The following UBAP2L variants were observed in gnomAD, a reference collection of about 807,000 sequenced individuals.
UBAP2L encodes the protein ubiquitin-associated protein 2-like.
Under a neutral mutation model 130.6 loss-of-function variants are expected in UBAP2L, and 12 were observed. That is an observed-to-expected ratio of 0.09 (90% CI 0.06 to 0.15). The LOEUF (loss-of-function observed/expected upper bound fraction) is 0.15. Among genes scored for constraint, UBAP2L ranks in the 10% least tolerant of loss-of-function variants. UBAP2L has a pLI of 1.00. For synonymous variants in UBAP2L, 503 were observed against 524.7 expected (o/e 0.96, Z 0.57); for missense variants, 965 against 1,332.5 (o/e 0.72, Z 4.29).
At chr1:154,220,301 T>TCAA (rs1361849895), upstream of UBAP2L, 1 of 1,610,568 alleles carries the variant, frequency 6.2e-7, no homozygotes, top group Non-Finnish European at 8.5e-7. Flanking sequence ...CTCTACTGGG[T>TCAA]AAGATGCGAC....
At chr1:154,262,470 G>A (rs143747208) in intron 24 of UBAP2L, among the ~76,000 whole-genome samples, 6 of 152,310 alleles carry the variant, frequency 3.9e-5, no homozygotes, top group Non-Finnish European at 5.9e-5. Context: ...TCAGCGACTT[G>A]TAGATGAATA....
chr1:154,238,816 C>CTACA (rs1672546760), intron 8 of UBAP2L, among the ~76,000 whole-genome samples: 1 of 152,020 alleles, frequency 6.6e-6, no homozygotes, highest in African/African-American at 2.4e-5. Flanking sequence ...TCTTGGCTCA[C>CTACA]TACAGCCTCT....
At position 154,251,563 on chromosome 1, in the gene UBAP2L, C is replaced by T; in HGVS notation, c.1574C>T (p.Ser525Leu). 6.2e-7 allele frequency: 1 copy of T among 1,614,066 alleles called. No individual in the cohort carries two copies. Among genetic ancestry groups the T allele is most frequent in the Non-Finnish European group, 8.5e-7 (1 of 1,180,016 alleles). ...CAGTTTGGGGCATTGCAGTTTGGGT[C>T]AGAGCCTGTCCTTTCTGATTATGAG... ...NLQFGALQFG[S>L]EPVLSDYEST... The change falls in exon 14 of 27, where the codon TCA (serine) becomes TTA (leucine). Residue 525 changes from serine to leucine, a missense_variant. By Grantham distance (145) the Ser-to-Leu change is moderately radical (BLOSUM62 -2). This residue lies in a region of UBAP2L where 393 missense variants were observed against 408.1 expected (regional missense o/e 0.96). Coordinates refer to ENST00000428931, the MANE Select transcript of UBAP2L (RefSeq NM_014847.4).
chr1:154,253,668 G>C (rs111584515), intron 14 of UBAP2L, among the ~76,000 whole-genome samples: 5 of 152,082 alleles, frequency 3.3e-5, no homozygotes, highest in African/African-American at 1.2e-4. Flanking sequence ...CACTGCGCCC[G>C]GCCTAGATGT....
intron 12 of UBAP2L, 138 bp from the exon 13 acceptor site, chr1:154,250,903 A>AT (rs1462945004): frequency 1.3e-6 from 1 of 747,656 alleles, no homozygotes; most frequent in Non-Finnish European, 2.1e-6. Flanking sequence ...TAGAAATGAG[A>AT]TTAAGCCCCA....
intron 11 of UBAP2L, among the ~76,000 whole-genome samples, chr1:154,246,890 C>G (rs1224104354): frequency 1.3e-5 from 2 of 152,186 alleles, no homozygotes; most frequent in Non-Finnish European, 2.9e-5. Flanking sequence ...GCTAGTCCTT[C>G]CCATCTTCCC....
chr1:154,259,998 G>T lies in UBAP2L; in HGVS notation c.2547G>T (p.Arg849Ser). The change falls in exon 22 of 27, where the codon AGG (arginine) becomes AGT (serine). Residue 849 changes from arginine (R) to serine (S), a missense_variant. Arg to Ser is a moderately radical substitution (Grantham distance 110). This residue lies in a region of UBAP2L where 194 missense variants were observed against 334.0 expected (regional missense o/e 0.58). Transcript: ENST00000428931. ...FPTPTTPLTG[R>S]DGSLASNPYS... Reference sequence around the variant, plus strand: ...CACCCACTACTCCGCTGACTGGGAGGGATGGTAGCCTGGCCAGCAACCCTT... The same window carrying T: ...CACCCACTACTCCGCTGACTGGGAGTGATGGTAGCCTGGCCAGCAACCCTT... 1 of 1,614,156 alleles carries T rather than the reference G, an allele frequency of 6.2e-7. No individual in the cohort carries two copies.
intron 21 of UBAP2L, 102 bp downstream of exon 21, chr1:154,259,132 C>G: frequency 1.9e-6 from 2 of 1,037,498 alleles, no homozygotes; most frequent in East Asian, 2.4e-5. Flanking sequence ...TCCCAGCCCT[C>G]CATACACTCT....
intron 7 of UBAP2L, 102 bp downstream of exon 7, chr1:154,236,713 G>T (rs1671801986): frequency 7.9e-7 from 1 of 1,269,342 alleles, no homozygotes; most frequent in Non-Finnish European, 1.1e-6. Flanking sequence ...TGGTCAGAAA[G>T]ATATGGGGAC....
At chr1:154,256,334 C>T (rs1679639544) in intron 18 of UBAP2L, among the ~76,000 whole-genome samples, 1 of 152,178 alleles carries the variant, frequency 6.6e-6, no homozygotes, top group Non-Finnish European at 1.5e-5. Context: ...TACACAGTTT[C>T]AGATTTAAAG....
intron 8 of UBAP2L, among the ~76,000 whole-genome samples, chr1:154,237,524 A>AG (rs1672079562): frequency 6.6e-6 from 1 of 152,232 alleles, no homozygotes; most frequent in South Asian, 2.1e-4. Flanking sequence ...TGTTTATGTT[A>AG]GGGTAGTGTT....
Position 154,257,225 on chromosome 1 carries a change from G to A in UBAP2L, c.2320G>A (p.Ala774Thr). 2.5e-6 allele frequency: 4 copies of A among 1,614,256 alleles called. No individual in the cohort carries two copies. Among genetic ancestry groups the A allele is most frequent in the Non-Finnish European group, 3.4e-6 (4 of 1,180,042 alleles). ...CCTAGGCAGCAACTCCACTGTCACA[G>A]CCTCGACTCGAAGCTCAGTTGCTAC... Reference protein sequence around the residue: ...LSLGSNSTVTASTRSSVATTS... With the variant: ...LSLGSNSTVTTSTRSSVATTS... Residue 774 changes from alanine to threonine, a missense_variant, in exon 19 of 27, where the codon GCC becomes ACC. Physicochemically the swap from Ala to Thr is moderately conservative, Grantham distance 58 (BLOSUM62 0). Transcript: ENST00000428931.
intron 12 of UBAP2L, among the ~76,000 whole-genome samples, chr1:154,249,989 G>C (rs1676973633): frequency 6.6e-6 from 1 of 151,512 alleles, no homozygotes; most frequent in Non-Finnish European, 1.5e-5. Context: ...ATAACATATT[G>C]CCTCCAGGTT....
intron 24 of UBAP2L, chr1:154,263,631 A>T (rs915099851): frequency 9.7e-6 from 6 of 615,748 alleles, no homozygotes; most frequent in Non-Finnish European, 1.0e-5. Flanking sequence ...ATTTTTCAGT[A>T]TGGTGGTTTT....
At chr1:154,229,501 G>T (rs967558262) in intron 4 of UBAP2L, among the ~76,000 whole-genome samples, 5 of 151,936 alleles carry the variant, frequency 3.3e-5, no homozygotes, top group African/African-American at 9.7e-5. Context: ...TTGAGCCAGG[G>T]TCTTACTCTG....
intron 17 of UBAP2L, 148 bp downstream of exon 17, chr1:154,255,474 A>G (rs747072431): frequency 6.8e-5 from 83 of 1,221,646 alleles, no homozygotes; most frequent in Non-Finnish European, 9.4e-5. Context: ...AAGTGAAGAC[A>G]GAGGAGGCTT....
intron 3 of UBAP2L, 55 bp downstream of exon 3, chr1:154,227,414 C>A: frequency 6.8e-7 from 1 of 1,471,458 alleles, no homozygotes. Context: ...AGTATTAAGG[C>A]ATAATCAAAT....
intron 23 of UBAP2L, 143 bp from the exon 24 acceptor site, chr1:154,261,449 G>C (rs900037915): frequency 2.8e-5 from 22 of 798,562 alleles, no homozygotes; most frequent in Non-Finnish European, 4.4e-5. Context: ...CAGTTAGTAA[G>C]GAGCTAATTT....
chr1:154,243,833 G>T (rs1674413608), intron 10 of UBAP2L, among the ~76,000 whole-genome samples: 1 of 152,164 alleles, frequency 6.6e-6, no homozygotes, highest in African/African-American at 2.4e-5. Context: ...TTTTAAAGTT[G>T]ATTCTCCCTG....
Sources: gnomAD v4.1 joint callset for allele counts (sites outside exome capture counted in the v4.1 genomes callset) on GRCh38, gnomAD v4.1.1 for gene constraint, gnomAD v4.1.1 regional missense constraint, MANE v1.5 for transcripts, NCBI Gene and HGNC (gene_info 2026-07-23, HGNC 2026-07-21) for gene names.